Variants in TRIM61 observed in about 807,000 individuals in gnomAD.
The protein encoded by TRIM61 is putative tripartite motif-containing protein 61.
TRIM61 carries 1 observed loss-of-function variant against 14.2 expected under a neutral mutation model. The ratio of observed to expected loss-of-function variants is 0.07; its 90% CI spans 0.03 to 0.33. The LOEUF is 0.33. TRIM61 is among the 10% of genes least tolerant of loss of function. TRIM61 has a pLI of 0.99. For missense variants in TRIM61, 19 were observed against 202.2 expected, an observed-to-expected ratio of 0.09 and a Z score of 5.49; for synonymous variants, 8 against 71.6, an observed-to-expected ratio of 0.11 and a Z score of 4.49.
At chr4:164,975,971 G>A (rs944038106) in intron 2 of TRIM61, among the ~76,000 whole-genome samples, 2 of 152,180 alleles carry the variant, frequency 1.3e-5, no homozygotes, top group Non-Finnish European at 2.9e-5. Flanking sequence ...CCTATGGTGG[G>A]AGGCGAGACA....
chr4:164,967,492 G>A lies in TRIM61; in HGVS notation c.525+1986C>T, dbSNP rs185576059. Among the ~76,000 whole-genome samples the A allele has an allele frequency of 2.6e-4, 40 of 152,284 alleles. No individual in the cohort carries two copies. In the East Asian group the frequency reaches 4.8e-3, roughly 18 times the overall value. On this transcript the variant is annotated intron_variant, in intron 3 of 4. Transcript: ENST00000329314. ...TAGAGATCAGTTCCCAAAGTGAAGT[G>A]AAGGACAGTAGCTGAACAGGACTAG...
At chr4:164,957,630 G>A (rs923991088) in intron 3 of TRIM61, 1 of 1,013,202 alleles carries the variant, frequency 9.9e-7, no homozygotes, top group Non-Finnish European at 1.4e-6. Flanking sequence ...ACCGAAGATA[G>A]TCGAATATTA....
chr4:164,965,503 G>T (rs1362571754), intron 3 of TRIM61, among the ~76,000 whole-genome samples: 1 of 138,840 alleles, frequency 7.2e-6, no homozygotes, highest in Non-Finnish European at 1.5e-5. Flanking sequence ...GCGCGATCTC[G>T]GCTCACTGCA....
At chr4:164,976,439 T>C (rs2111156591) in intron 2 of TRIM61, among the ~76,000 whole-genome samples, 1 of 152,232 alleles carries the variant, frequency 6.6e-6, no homozygotes, top group Non-Finnish European at 1.5e-5. Flanking sequence ...TCCCCAAGCA[T>C]ACACCCAAAG....
intron 2 of TRIM61, among the ~76,000 whole-genome samples, chr4:164,974,020 A>G (rs758458049): frequency 2.6e-5 from 4 of 152,198 alleles, no homozygotes; most frequent in Non-Finnish European, 5.9e-5. Flanking sequence ...AAATACAAAA[A>G]TTAGCTGGCA....
chr4:164,962,916 T>C (rs1259379929), intron 3 of TRIM61, among the ~76,000 whole-genome samples: 1 of 152,178 alleles, frequency 6.6e-6, no homozygotes, highest in East Asian at 1.9e-4. Context: ...GAATATACTA[T>C]TACAAGGTTC....
chr4:164,976,744 G>A lies in TRIM61; in HGVS notation c.-394C>T, dbSNP rs1732492709. The A allele has an allele frequency of 6.6e-6, 1 of 152,200 alleles. No homozygotes were observed. Among genetic ancestry groups the A allele is most frequent in the African/African-American group, 2.4e-5 (1 of 41,438 alleles). 9.4% of individuals were successfully genotyped at this position (152,200 alleles called of 1,614,324 possible). On this transcript the variant is annotated 5_prime_UTR_variant, in exon 2 of 5. Coordinates refer to ENST00000329314, the MANE Select transcript of TRIM61 (RefSeq NM_001012414.3). ...AAAGATTGCCTGGGCCACATCCCCA[G>A]TTTCTGACTCAGTAGGGCTGGTTTT... is the stretch of plus-strand genomic sequence containing the variant.
At chr4:164,973,316 A>AT (rs1417665230) in intron 2 of TRIM61, among the ~76,000 whole-genome samples, 1 of 152,250 alleles carries the variant, frequency 6.6e-6, no homozygotes, top group African/African-American at 2.4e-5. Flanking sequence ...GCTAATTGGC[A>AT]TAACCACTGG....
chr4:164,956,990 T>C (rs1283994625), intron 3 of TRIM61: 3 of 1,457,150 alleles, frequency 2.1e-6, no homozygotes, highest in Admixed American at 2.7e-5. Context: ...GGCGCGACGT[T>C]GGAGACCGGG....
chr4:164,973,954 A>T (rs1303801587), intron 2 of TRIM61, among the ~76,000 whole-genome samples: 1 of 152,182 alleles, frequency 6.6e-6, no homozygotes, highest in Non-Finnish European at 1.5e-5. Context: ...GGATCACTTG[A>T]GGTCAGCAGT....
Position 164,976,842 on chromosome 4 carries a change from G to A in TRIM61, c.-475-17C>T, listed in dbSNP as rs372055837. On this transcript the variant is annotated splice_polypyrimidine_tract_variant and intron_variant, in intron 1 of 4. Coordinates refer to ENST00000329314, the MANE Select transcript of TRIM61 (RefSeq NM_001012414.3). ...GAACCTATGCTTTAAGGAAAACAAA[G>A]CAAAAAGATCCATTAAGATCTAGTC... 2 of 152,112 alleles carry A rather than the reference G, an allele frequency of 1.3e-5. No individual in the cohort carries two copies. Among genetic ancestry groups the A allele is most frequent in the Admixed American group, 6.5e-5 (1 of 15,270 alleles). The allele number at this position is 152,112 out of a possible 1,614,324, so 9.4% of individuals were successfully genotyped here.
intron 3 of TRIM61, among the ~76,000 whole-genome samples, chr4:164,961,938 C>T (rs940141398): frequency 6.6e-6 from 1 of 152,102 alleles, no homozygotes; most frequent in Non-Finnish European, 1.5e-5. Flanking sequence ...CTTATTGTAC[C>T]TGTAAGCTAC....
chr4:164,975,426 C>T (rs1052353188), intron 2 of TRIM61, among the ~76,000 whole-genome samples: 13 of 152,114 alleles, frequency 8.5e-5, no homozygotes, highest in Admixed American at 5.2e-4. Flanking sequence ...AAAGGGAAGA[C>T]GTAAGAGACT....
At chr4:164,961,331 A>G (rs544823639) in intron 3 of TRIM61, among the ~76,000 whole-genome samples, 149 of 152,022 alleles carry the variant, frequency 9.8e-4, no homozygotes, top group African/African-American at 3.2e-3. Context: ...AAAACCACAG[A>G]AAAGAGATGA....
At chr4:164,968,795 C>T (rs4349559) in intron 3 of TRIM61, 222,933 of 822,554 alleles carry the variant, frequency 0.27, 44,132 homozygotes, top group African/African-American at 0.41. Context: ...AATAATTTCC[C>T]TGTGGCCCAA....
intron 3 of TRIM61, chr4:164,969,028 A>G (rs1231240712): frequency 2.9e-6 from 3 of 1,050,862 alleles, no homozygotes; most frequent in Non-Finnish European, 3.4e-6. Flanking sequence ...TATGAGGTAC[A>G]TTTTGTGTTG....
intron 2 of TRIM61, among the ~76,000 whole-genome samples, chr4:164,974,796 G>C (rs958540050): frequency 2.0e-5 from 3 of 152,172 alleles, no homozygotes; most frequent in African/African-American, 7.2e-5. Context: ...ACTAAGCGTG[G>C]CTATGGTGAC....
rs1335288266 is a variant in TRIM61 at position 164,955,601 on chromosome 4, A to G, written c.526-505T>C. The stretch of plus-strand genomic sequence containing the variant: ...AAAAAAAAAAAAAAACAAGTTTTCC[A>G]GAAGATATGTCTTTATTGGTGTTTA... On this transcript the variant is annotated intron_variant, in intron 3 of 4. Transcript: ENST00000329314. Among the ~76,000 whole-genome samples, 9 of 150,482 alleles carry G rather than the reference A, an allele frequency of 6.0e-5. No homozygotes were observed. The East Asian group carries it at 1.8e-3, about 29-fold the overall frequency.
Position 164,957,253 on chromosome 4 carries a change from C to T in TRIM61, c.526-2157G>A, listed in dbSNP as rs764471702. On this transcript the variant is annotated intron_variant, in intron 3 of 4. Coordinates refer to ENST00000329314, the MANE Select transcript of TRIM61 (RefSeq NM_001012414.3). ...TCCAACAGCGGTCGCTCCACCAATC[C>T]TGGGAGAAGCGAATCGTTTTCTCCG... 5 of 1,614,196 alleles carry T rather than the reference C, an allele frequency of 3.1e-6. No individual in the cohort carries two copies. In the Admixed American group the frequency reaches 8.3e-5, roughly 27 times the overall value.
Sources: allele counts gnomAD v4.1 joint callset (sites outside exome capture counted in the v4.1 genomes callset), GRCh38; gene constraint gnomAD v4.1.1; transcripts MANE v1.5; gene names NCBI Gene and HGNC (gene_info 2026-07-23, HGNC 2026-07-21).